The following LOC131768270 variants were observed in gnomAD, a reference collection of about 807,000 sequenced individuals.
the LOC131768270 span, chr5:140,567,544 C>T: frequency 6.2e-7 from 1 of 1,614,188 alleles, no homozygotes. Context: ...AGATTGGAAG[C>T]ACAGCTGTGC....
chr5:140,567,013 C>A, the LOC131768270 span: 1 of 1,167,228 alleles, frequency 8.6e-7, no homozygotes, highest in Non-Finnish European at 1.2e-6. Flanking sequence ...ACTCTTCAAG[C>A]CCTGACTGTG....
the LOC131768270 span, chr5:140,568,339 T>G: frequency 1.2e-6 from 1 of 850,154 alleles, no homozygotes; most frequent in Non-Finnish European, 1.8e-6. Context: ...AGATGTGAAG[T>G]GTGGGTTTGG....
chr5:140,567,143 C>G, the LOC131768270 span: 3 of 1,614,142 alleles, frequency 1.9e-6, no homozygotes, highest in African/African-American at 1.3e-5. Context: ...CCTGCTGCCC[C>G]TTAGCCACCC....
chr5:140,567,732 G>T, the LOC131768270 span: 9 of 1,614,116 alleles, frequency 5.6e-6, no homozygotes, highest in Non-Finnish European at 5.1e-6. Flanking sequence ...ACTCCGCTAG[G>T]CCTGCTGCTC....
the LOC131768270 span, chr5:140,567,992 A>G: frequency 1.2e-6 from 2 of 1,614,016 alleles, no homozygotes; most frequent in Non-Finnish European, 8.5e-7. Context: ...GAAGCATGGC[A>G]GCAGCATCAC....
chr5:140,568,206 C>T, the LOC131768270 span: 39 of 1,611,058 alleles, frequency 2.4e-5, no homozygotes, highest in Non-Finnish European at 3.1e-5. Context: ...CCAGATCCCC[C>T]TCCCAGGCCT....
At chr5:140,567,977 G>C in the LOC131768270 span, 9 of 1,614,070 alleles carry the variant, frequency 5.6e-6, no homozygotes, top group Non-Finnish European at 6.8e-6. Context: ...CATGTCTGCT[G>C]TCATGAAGCA....
chr5:140,566,027 G>C, the LOC131768270 span: 99 of 398,660 alleles, frequency 2.5e-4, no homozygotes, highest in Admixed American at 2.2e-3. Flanking sequence ...ACATGCTCTT[G>C]AGAGTGTTAA....
At chr5:140,565,106 C>A in the LOC131768270 span, 1 of 394,404 alleles carries the variant, frequency 2.5e-6, no homozygotes, top group Non-Finnish European at 4.5e-6. Context: ...CTAGCACAGA[C>A]TCAAAAACAT....
the LOC131768270 span, chr5:140,567,067 GT>G: frequency 6.4e-7 from 1 of 1,567,972 alleles, no homozygotes; most frequent in Non-Finnish European, 8.7e-7. Flanking sequence ...CTCTGGCAAT[GT>G]TCCACGGCTT....
At chr5:140,567,447 C>T in the LOC131768270 span, 1 of 1,614,158 alleles carries the variant, frequency 6.2e-7, no homozygotes, top group Non-Finnish European at 8.5e-7. Flanking sequence ...GCACTATCAG[C>T]CCTGCTCTAT....
At chr5:140,566,665 C>T in the LOC131768270 span, 2 of 495,442 alleles carry the variant, frequency 4.0e-6, no homozygotes, top group African/African-American at 1.9e-5. Flanking sequence ...GCTGTGGGCA[C>T]CTGCACTGGC....
chr5:140,565,039 G>T, the LOC131768270 span: 1 of 397,860 alleles, frequency 2.5e-6, no homozygotes, highest in South Asian at 1.4e-4. Context: ...TCGGCGAGGC[G>T]GGAGGAGCCG....
chr5:140,567,372 C>T, the LOC131768270 span: 3 of 1,614,214 alleles, frequency 1.9e-6, no homozygotes, highest in Non-Finnish European at 2.5e-6. Context: ...TGCGCCTTCT[C>T]CCTTCTGGTA....
the LOC131768270 span, chr5:140,568,189 G>C: frequency 6.2e-7 from 1 of 1,612,778 alleles, no homozygotes; most frequent in Non-Finnish European, 8.5e-7. Context: ...TAGATTGGGC[G>C]CCACCACCAG....
chr5:140,565,006 G>C, the LOC131768270 span: 1 of 399,040 alleles, frequency 2.5e-6, no homozygotes, highest in Non-Finnish European at 4.4e-6. Context: ...CCTCAACAGT[G>C]TGGAGTGGTG....
the LOC131768270 span, chr5:140,567,493 T>G: frequency 6.2e-7 from 1 of 1,614,150 alleles, no homozygotes; most frequent in Non-Finnish European, 8.5e-7. Context: ...ATCTTCAGCG[T>G]TACATGGACC....
chr5:140,567,360 T>TA, the LOC131768270 span: 65 of 1,614,074 alleles, frequency 4.0e-5, no homozygotes, highest in East Asian at 1.4e-3. Context: ...AAGCTACTGT[T>TA]ATGCGCCTTC....
the LOC131768270 span, chr5:140,566,942 C>A: frequency 1.4e-6 from 1 of 703,190 alleles, no homozygotes. Flanking sequence ...ATTCCTTCTT[C>A]CCCTTCCTAG....
Sources: gnomAD v4.1 joint callset for allele counts on GRCh38, gnomAD v4.1.1 for gene constraint, MANE v1.5 for transcripts.